DIAPH3: variants seen among roughly 807,000 people sequenced by gnomAD.
DIAPH3 encodes the protein diaphanous related formin 3.
In DIAPH3, 117 loss-of-function variants were observed where a neutral mutation model predicts 144.3. The ratio of observed to expected loss-of-function variants is 0.81; its 90% CI spans 0.70 to 0.95. The LOEUF (loss-of-function observed/expected upper bound fraction) is 0.95, where lower values mean the gene tolerates loss of function less well. DIAPH3 is among the 40% of genes least tolerant of loss of function. The pLI, the probability that DIAPH3 is intolerant of heterozygous loss-of-function variation, is 0.00. For synonymous variants in DIAPH3, 519 were observed against 488.9 expected, an observed-to-expected ratio of 1.06 and a Z score of -0.81; for missense variants, 1,421 against 1,412.7, an observed-to-expected ratio of 1.01 and a Z score of -0.09.
intron 3 of DIAPH3, among the ~76,000 whole-genome samples, chr13:60,109,265 C>A (rs925487873): frequency 6.6e-6 from 1 of 152,090 alleles, no homozygotes; most frequent in African/African-American, 2.4e-5. Context: ...ACCAGTCAAG[C>A]CGACCAGGAT....
At chr13:59,959,018 G>A (rs2049582803) in intron 17 of DIAPH3, among the ~76,000 whole-genome samples, 1 of 151,910 alleles carries the variant, frequency 6.6e-6, no homozygotes, top group Admixed American at 6.6e-5. Context: ...TGGGATTACA[G>A]GCATCCGCCA....
At chr13:60,107,336 G>GA (rs1270852123) in intron 3 of DIAPH3, among the ~76,000 whole-genome samples, 1 of 151,946 alleles carries the variant, frequency 6.6e-6, no homozygotes, top group East Asian at 1.9e-4. Flanking sequence ...TAACCTCAGG[G>GA]AAAAAAAGAA....
intron 1 of DIAPH3, among the ~76,000 whole-genome samples, chr13:60,144,547 G>A (rs1319561286): frequency 1.3e-5 from 2 of 152,142 alleles, no homozygotes; most frequent in African/African-American, 4.8e-5. Context: ...TAAACACAAG[G>A]CAGAATATAA....
chr13:60,061,505 T>C (rs2056768877), intron 4 of DIAPH3, among the ~76,000 whole-genome samples: 1 of 150,530 alleles, frequency 6.6e-6, no homozygotes, highest in Admixed American at 6.7e-5. Context: ...TGGACATGAA[T>C]AAATACATCT....
At chr13:59,744,599 A>G (rs999630168) in intron 27 of DIAPH3, among the ~76,000 whole-genome samples, 4 of 152,130 alleles carry the variant, frequency 2.6e-5, no homozygotes, top group African/African-American at 7.2e-5. Context: ...TCTTCTTCCA[A>G]TGTGGCCCAG....
At chr13:60,127,622 T>C (rs1324888020) in intron 2 of DIAPH3, among the ~76,000 whole-genome samples, 2 of 152,144 alleles carry the variant, frequency 1.3e-5, no homozygotes, top group Non-Finnish European at 2.9e-5. Flanking sequence ...TACCAAACAA[T>C]GAGCCAGACA....
chr13:59,736,255 G>A (rs577060887), intron 27 of DIAPH3, among the ~76,000 whole-genome samples: 5 of 152,262 alleles, frequency 3.3e-5, no homozygotes, highest in South Asian at 2.1e-4. Context: ...ATGAACATAC[G>A]TGTGTATGTC....
At chr13:60,028,660 ATAT>A (rs1466960660) in intron 5 of DIAPH3, among the ~76,000 whole-genome samples, 7 of 152,084 alleles carry the variant, frequency 4.6e-5, no homozygotes, top group Non-Finnish European at 1.0e-4. Flanking sequence ...CAGGACTTAA[ATAT>A]CTCCACTCCA....
At chr13:59,885,886 T>C (rs932295642) in intron 20 of DIAPH3, among the ~76,000 whole-genome samples, 1 of 152,102 alleles carries the variant, frequency 6.6e-6, no homozygotes, top group African/African-American at 2.4e-5. Context: ...ACCCTACCAA[T>C]GCCTTCATTT....
At chr13:59,964,560 A>C (rs2049947843) in intron 17 of DIAPH3, among the ~76,000 whole-genome samples, 1 of 152,136 alleles carries the variant, frequency 6.6e-6, no homozygotes, top group African/African-American at 2.4e-5. Context: ...TAACCAAAGC[A>C]TTAGGTGGAC....
At chr13:59,835,957 C>T (rs1205562788) in intron 23 of DIAPH3, among the ~76,000 whole-genome samples, 1 of 151,502 alleles carries the variant, frequency 6.6e-6, no homozygotes, top group Non-Finnish European at 1.5e-5. Context: ...TAAAGCATTG[C>T]TATATAGAAT....
intron 14 of DIAPH3, among the ~76,000 whole-genome samples, chr13:59,975,857 C>T (rs1051139932): frequency 3.3e-5 from 5 of 151,914 alleles, no homozygotes; most frequent in Non-Finnish European, 7.4e-5. Context: ...CACTACCATT[C>T]CCCACAACTA....
At chr13:59,682,987 C>T (rs2033022739) in intron 27 of DIAPH3, among the ~76,000 whole-genome samples, 1 of 152,198 alleles carries the variant, frequency 6.6e-6, no homozygotes, top group Non-Finnish European at 1.5e-5. Context: ...TAAGATTCTA[C>T]ATTCAAGAGG....
intron 25 of DIAPH3, among the ~76,000 whole-genome samples, chr13:59,806,055 T>C (rs555238647): frequency 6.7e-4 from 102 of 152,132 alleles, no homozygotes; most frequent in African/African-American, 2.4e-3. Context: ...GAGAAAATAC[T>C]AAAGCCATGA....
At chr13:59,972,410 T>G (rs2050438894) in intron 15 of DIAPH3, among the ~76,000 whole-genome samples, 1 of 152,230 alleles carries the variant, frequency 6.6e-6, no homozygotes, top group South Asian at 2.1e-4. Context: ...ATGAGTAGCT[T>G]CTTGAAATTA....
chr13:59,670,794 A>G lies in DIAPH3; in HGVS notation c.3320-3948T>C, dbSNP rs566844834. 6.3e-3 allele frequency among the ~76,000 whole-genome samples: 956 copies of G among 152,176 alleles called. 3 individuals are homozygous for G. The highest frequency in any genetic ancestry group is 0.01 in the Non-Finnish European group (712 of 68,002). On this transcript the variant is annotated intron_variant, in intron 27 of 27. Coordinates refer to ENST00000400324, the MANE Select transcript of DIAPH3 (RefSeq NM_001042517.2). ...AAGACGGGGTTTCACTGTGTTAGCC[A>G]GGATGGTCTCGATCTCCTGACCTCG...
chr13:59,980,946 G>C, intron 13 of DIAPH3, 87 bp from the exon 14 acceptor site: 2 of 1,132,522 alleles, frequency 1.8e-6, no homozygotes, highest in Non-Finnish European at 1.3e-6. Flanking sequence ...AAAGATCATA[G>C]AAAATAATTA....
Position 59,992,058 on chromosome 13 carries a change from A to T in DIAPH3, c.1244+10T>A. On this transcript the variant is annotated intron_variant, in intron 11 of 27. Transcript: ENST00000400324. Reference sequence around the variant, plus strand: ...ATATGATTTGACTAGACTTCAGAACAAAAGGATATTCAAGTTCAGCTCTAA... The same window carrying T: ...ATATGATTTGACTAGACTTCAGAACTAAAGGATATTCAAGTTCAGCTCTAA... 6.2e-7 allele frequency: 1 copy of T among 1,600,856 alleles called. No homozygotes were observed. Among genetic ancestry groups the T allele is most frequent in the South Asian group, 1.1e-5 (1 of 90,788 alleles).
chr13:60,163,647 G>C lies in DIAPH3; in HGVS notation c.120C>G (p.Gly40=). The change falls in exon 1 of 28, where the codon GGC becomes GGG. Residue 40 remains glycine (G), a synonymous_variant. Transcript: ENST00000400324. ...CACTGGGCGGCGGAGGGTGTTGGGGGCCCTTCCTGCGCGGCATCTTGCTTT... is the reference window on the plus strand; with the variant it reads ...CACTGGGCGGCGGAGGGTGTTGGGGCCCCTTCCTGCGCGGCATCTTGCTTT... The part of the protein sequence containing the change: ...CRESKMPRRK[G]PQHPPPPSGP... The C allele has an allele frequency of 6.2e-7, 1 of 1,608,234 alleles. No individual in the cohort carries two copies. The highest frequency in any genetic ancestry group is 8.5e-7 in the Non-Finnish European group (1 of 1,175,884).
Sources: gnomAD v4.1 joint callset for allele counts (sites outside exome capture counted in the v4.1 genomes callset) on GRCh38, gnomAD v4.1.1 for gene constraint, MANE v1.5 for transcripts, NCBI Gene and HGNC (gene_info 2026-07-23, HGNC 2026-07-21) for gene names.